The following PLAA variants were observed in gnomAD, a reference collection of about 807,000 sequenced individuals.
The protein encoded by PLAA is phospholipase A2 activating protein.
Under a neutral mutation model 84.1 loss-of-function variants are expected in PLAA, and 48 were observed. The observed-to-expected ratio is 0.57, with a 90% CI of 0.45 to 0.73. PLAA has a LOEUF of 0.73. Among genes scored for constraint, PLAA ranks in the 30% least tolerant of loss-of-function variants. The pLI, the probability that PLAA is intolerant of heterozygous loss-of-function variation, is 0.00. For synonymous variants in PLAA, 392 were observed against 336.6 expected, an observed-to-expected ratio of 1.16 and a Z score of -1.80; for missense variants, 903 against 954.7, an observed-to-expected ratio of 0.95 and a Z score of 0.71.
In PLAA at chr9:26,935,143, T is replaced by C; in HGVS notation, c.213A>G (p.Val71=). 1.2e-6 allele frequency: 2 copies of C among 1,600,368 alleles called. No homozygotes were observed. The highest frequency in any genetic ancestry group is 1.1e-5 in the South Asian group (1 of 87,802). The stretch of plus-strand genomic sequence containing the variant: ...AGATGTCACTTGAGGGTATGATGCA[T>C]ACACAAGATACAAAATTGGAATGGC... ...MSGHSNFVSC[V]CIIPSSDIYP... The change falls in exon 2 of 14, where the codon GTA becomes GTG. Residue 71 remains valine (V), a synonymous_variant. Coordinates refer to ENST00000397292, the MANE Select transcript of PLAA (RefSeq NM_001031689.3).
chr9:26,919,786 A>G (rs1364012525), intron 8 of PLAA, among the ~76,000 whole-genome samples: 4 of 152,214 alleles, frequency 2.6e-5, no homozygotes, highest in Non-Finnish European at 5.9e-5. Flanking sequence ...CTCTAGAGCC[A>G]AAGCAGAGTT....
intron 1 of PLAA, among the ~76,000 whole-genome samples, chr9:26,945,144 T>C (rs1204031132): frequency 2.6e-5 from 4 of 151,986 alleles, no homozygotes; most frequent in African/African-American, 4.8e-5. Flanking sequence ...AAAAAATCAA[T>C]AGTTCAATGA....
At chr9:26,925,622 G>A (rs1824921988) in intron 6 of PLAA, among the ~76,000 whole-genome samples, 1 of 151,244 alleles carries the variant, frequency 6.6e-6, no homozygotes, top group Non-Finnish European at 1.5e-5. Context: ...ATCATTGACT[G>A]CACAATTGCA....
chr9:26,917,009 G>A (rs918939974), intron 10 of PLAA, 88 bp downstream of exon 10: 1 of 1,055,500 alleles, frequency 9.5e-7, no homozygotes, highest in Non-Finnish European at 1.4e-6. Flanking sequence ...ACCAATTACT[G>A]GATGACATCT....
intron 10 of PLAA, chr9:26,916,297 C>T (rs545098279): frequency 3.5e-5 from 34 of 985,298 alleles, no homozygotes; most frequent in African/African-American, 2.4e-4. Flanking sequence ...AGTATACTGT[C>T]GAGGAACTCT....
chr9:26,929,051 T>C (rs557548939), intron 2 of PLAA, among the ~76,000 whole-genome samples: 1 of 151,894 alleles, frequency 6.6e-6, no homozygotes, highest in African/African-American at 2.4e-5. Flanking sequence ...TACAAAAAAA[T>C]AGCTGGGTGT....
At chr9:26,940,009 G>A (rs1825481442) in intron 1 of PLAA, among the ~76,000 whole-genome samples, 1 of 151,952 alleles carries the variant, frequency 6.6e-6, no homozygotes, top group African/African-American at 2.4e-5. Context: ...GGAAAAAGAG[G>A]ACTTAACAAA....
intron 2 of PLAA, among the ~76,000 whole-genome samples, chr9:26,934,669 G>C (rs1489863729): frequency 1.3e-5 from 2 of 151,662 alleles, no homozygotes; most frequent in Admixed American, 6.6e-5. Flanking sequence ...TAGTAGAGGC[G>C]GGGTTTTGCA....
chr9:26,913,899 G>C lies in PLAA; in HGVS notation c.1535C>G (p.Ala512Gly). The change falls in exon 11 of 14, where the codon GCC (alanine) becomes GGC (glycine). Residue 512 changes from alanine (A) to glycine (G), a missense_variant. Transcript: ENST00000397292. Reference sequence around the variant, plus strand: ...TGTACCTGTAAATGGATCAACTCCGGCCATGGTAGTTCCCATACTTGCAGA... The same window carrying C: ...TGTACCTGTAAATGGATCAACTCCGCCCATGGTAGTTCCCATACTTGCAGA... ...PGSASMGTTM[A>G]GVDPFTGNSA... The C allele has an allele frequency of 6.2e-7, 1 of 1,611,530 alleles. No individual in the cohort carries two copies. The highest frequency in any genetic ancestry group is 1.1e-5 in the South Asian group (1 of 90,954).
rs1458700480 is a variant in PLAA, at chr9:26,946,924, C to T, written c.122G>A (p.Arg41His). The change falls in exon 1 of 14, where the codon CGC (arginine) becomes CAC (histidine). Residue 41 changes from arginine (R) to histidine (H), a missense_variant. Coordinates refer to ENST00000397292, the MANE Select transcript of PLAA (RefSeq NM_001031689.3). ...PGAFVSVSRDRTTRLWAPDSP... is the reference protein window; with the variant it reads ...PGAFVSVSRDHTTRLWAPDSP... ...GTCTGGGGCCCAGAGGCGGGTGGTG[C>T]GGTCTCGGGACACGGACACAAAGGC... The T allele has an allele frequency of 3.8e-6, 6 of 1,576,942 alleles. No individual in the cohort carries two copies. Among genetic ancestry groups the T allele is most frequent in the South Asian group, 1.2e-5 (1 of 86,326 alleles).
At chr9:26,918,545 G>T (rs1273206486) in intron 9 of PLAA, among the ~76,000 whole-genome samples, 1 of 152,136 alleles carries the variant, frequency 6.6e-6, no homozygotes, top group Admixed American at 6.5e-5. Flanking sequence ...TGTCAGGGAA[G>T]AAAAGGTGGA....
chr9:26,945,398 CA>C (rs1563923318), intron 1 of PLAA, among the ~76,000 whole-genome samples: 1 of 152,164 alleles, frequency 6.6e-6, no homozygotes, highest in African/African-American at 2.4e-5. Flanking sequence ...TAACTGTACT[CA>C]AACAAAAAGT....
intron 1 of PLAA, among the ~76,000 whole-genome samples, chr9:26,945,496 G>A (rs1447372254): frequency 2.0e-5 from 3 of 152,120 alleles, no homozygotes; most frequent in East Asian, 1.9e-4. Flanking sequence ...TTCAATACAG[G>A]AATTTGCTCT....
chr9:26,915,238 A>AC (rs754897966), intron 10 of PLAA, among the ~76,000 whole-genome samples: 2 of 152,086 alleles, frequency 1.3e-5, no homozygotes, highest in Non-Finnish European at 2.9e-5. Flanking sequence ...CTAAGATCAA[A>AC]CTACCACCAA....
chr9:26,929,205 A>T (rs1226625437), intron 2 of PLAA, among the ~76,000 whole-genome samples: 2 of 152,080 alleles, frequency 1.3e-5, no homozygotes, highest in Non-Finnish European at 2.9e-5. Context: ...CTGTCTTTAA[A>T]AAAAAAGAAA....
At chr9:26,935,270 G>A (rs1825323458) in intron 1 of PLAA, 64 bp from the exon 2 acceptor site, 2 of 1,001,940 alleles carry the variant, frequency 2.0e-6, no homozygotes, top group South Asian at 4.0e-5. Context: ...GACATAAACT[G>A]TCAAAGCACT....
At chr9:26,913,394 C>A (rs951115680) in intron 11 of PLAA, among the ~76,000 whole-genome samples, 2 of 152,074 alleles carry the variant, frequency 1.3e-5, no homozygotes, top group African/African-American at 4.8e-5. Context: ...CTATTCCAGG[C>A]ATAAATCACA....
At chr9:26,913,274 A>G (rs1824450921) in intron 11 of PLAA, among the ~76,000 whole-genome samples, 2 of 152,216 alleles carry the variant, frequency 1.3e-5, no homozygotes, top group South Asian at 4.1e-4. Context: ...CTGGCAGCCA[A>G]TACAGAGGAA....
chr9:26,946,948 GCTC>G lies in PLAA; in HGVS notation c.95_97del (p.Gly32del). The stretch of plus-strand genomic sequence containing the variant: ...GCGGTCTCGGGACACGGACACAAAG[GCTC>G]CCGGCGGATAGGCGCAGCACACCAG... On this transcript the variant is annotated inframe_deletion, in exon 1 of 14. Coordinates refer to ENST00000397292, the MANE Select transcript of PLAA (RefSeq NM_001031689.3). 6.3e-7 allele frequency: 1 copy of G among 1,587,816 alleles called. No homozygotes were observed. Among genetic ancestry groups the G allele is most frequent in the Non-Finnish European group, 8.6e-7 (1 of 1,167,036 alleles).
Sources: gnomAD v4.1 joint callset for allele counts (sites outside exome capture counted in the v4.1 genomes callset) on GRCh38, gnomAD v4.1.1 for gene constraint, MANE v1.5 for transcripts, NCBI Gene and HGNC (gene_info 2026-07-23, HGNC 2026-07-21) for gene names.